PDSS2: variants seen among roughly 807,000 people sequenced by gnomAD.
The protein encoded by PDSS2 is all trans-polyprenyl-diphosphate synthase PDSS2.
PDSS2 carries 31 observed loss-of-function variants against 44.5 expected under a neutral mutation model. The observed-to-expected ratio is 0.70, with a 90% CI of 0.52 to 0.94. The LOEUF (loss-of-function observed/expected upper bound fraction) is 0.94. PDSS2 is among the 40% of genes least tolerant of loss of function. The probability of loss-of-function intolerance (pLI) is 0.00; values close to 1 mark genes in which losing one functional copy is unlikely to be tolerated. For synonymous variants in PDSS2, 157 were observed against 180.3 expected (o/e 0.87, Z 1.03); for missense variants, 452 against 482.2 (o/e 0.94, Z 0.59).
rs537020092 is a variant in PDSS2 at position 107,416,517 on chromosome 6, G to T, written c.296+42473C>A. Among the ~76,000 whole-genome samples, 147 of 152,278 alleles carry T rather than the reference G, an allele frequency of 9.7e-4. 5 individuals carry two copies. In the South Asian group the frequency reaches 0.03, roughly 31 times the overall value. ...ATTCTGCCTGTTTATCATTGACTAA[G>T]ATAGCTTACTATAATTCTCAATTAT... On this transcript the variant is annotated intron_variant, in intron 1 of 7. Transcript: ENST00000369037.
intron 3 of PDSS2, among the ~76,000 whole-genome samples, chr6:107,273,077 C>T (rs1314700417): frequency 6.6e-6 from 1 of 152,044 alleles, no homozygotes; most frequent in African/African-American, 2.4e-5. Flanking sequence ...CTCTGCCTCC[C>T]GGGTTCAAGC....
At chr6:107,446,816 C>T (rs901473614) in intron 1 of PDSS2, among the ~76,000 whole-genome samples, 1 of 151,692 alleles carries the variant, frequency 6.6e-6, no homozygotes, top group African/African-American at 2.4e-5. Context: ...CAGTTCCCTC[C>T]CATGACACAT....
At chr6:107,222,686 A>G (rs1292896806) in intron 4 of PDSS2, among the ~76,000 whole-genome samples, 1 of 151,942 alleles carries the variant, frequency 6.6e-6, no homozygotes, top group African/African-American at 2.4e-5. Context: ...GATTTCAAGA[A>G]TGTATTTTGA....
intron 2 of PDSS2, among the ~76,000 whole-genome samples, chr6:107,322,473 C>T (rs140657555): frequency 5.9e-5 from 9 of 152,014 alleles, no homozygotes; most frequent in Non-Finnish European, 1.2e-4. Context: ...GAGCTGTGAT[C>T]GGGCCACTGT....
At position 107,286,136 on chromosome 6, in the gene PDSS2, T is replaced by TAAATAAAAAA. The variant is rs568159749; in HGVS notation, c.432-11910_432-11909insTTTTTTATTT. 2.3e-3 allele frequency among the ~76,000 whole-genome samples: 300 copies of TAAATAAAAAA among 128,720 alleles called. 6 individuals carry two copies. Among genetic ancestry groups the TAAATAAAAAA allele is most frequent in the African/African-American group, 8.1e-3 (262 of 32,474 alleles). The allele number at this position is 128,720 out of a possible 152,430, so 84.4% of individuals were successfully genotyped here. On this transcript the variant is annotated intron_variant, in intron 2 of 7. Transcript: ENST00000369037. ...CAAGGAGCAAAACTTCGTCGCAAAATAAAAAAAAAAAAAAGGAAAGAAAAG... is the reference window on the plus strand; with the variant it reads ...CAAGGAGCAAAACTTCGTCGCAAAATAAATAAAAAAAAAAAAAAAAAAAAGGAAAGAAAAG...
intron 4 of PDSS2, among the ~76,000 whole-genome samples, chr6:107,219,350 C>T (rs1439918593): frequency 3.9e-5 from 6 of 152,086 alleles, no homozygotes; most frequent in Non-Finnish European, 8.8e-5. Context: ...TGCAGTGGCG[C>T]AATCTCGGCT....
chr6:107,415,521 C>G (rs1021684251), intron 1 of PDSS2, among the ~76,000 whole-genome samples: 4 of 151,880 alleles, frequency 2.6e-5, no homozygotes, highest in African/African-American at 9.7e-5. Context: ...CAAGCAGAAT[C>G]AGTAGATTCA....
rs571053858 is a variant in PDSS2 at position 107,373,786 on chromosome 6, TCTC to T, written c.297-39457_297-39455del. 2.0e-5 allele frequency among the ~76,000 whole-genome samples: 3 copies of T among 152,244 alleles called. No individual in the cohort carries two copies. In the South Asian group the frequency reaches 6.2e-4, roughly 32 times the overall value. On this transcript the variant is annotated intron_variant, in intron 1 of 7. Coordinates refer to ENST00000369037, the MANE Select transcript of PDSS2 (RefSeq NM_020381.4). ...GCTACGGTTCTGGCAATCAGTCAAA[TCTC>T]CTGCTTTTTCTCACTCTGGATTATA...
At chr6:107,226,136 G>A (rs1773811891) in intron 4 of PDSS2, among the ~76,000 whole-genome samples, 1 of 152,010 alleles carries the variant, frequency 6.6e-6, no homozygotes, top group South Asian at 2.1e-4. Flanking sequence ...ATGAAACCCT[G>A]TCTCTACTAA....
At chr6:107,164,240 AT>A (rs1226081708) in intron 7 of PDSS2, among the ~76,000 whole-genome samples, 1 of 152,154 alleles carries the variant, frequency 6.6e-6, no homozygotes, top group Admixed American at 6.6e-5. Context: ...ATATGTATAC[AT>A]GTGCCATGTT....
chr6:107,290,545 T>G (rs1457265345), intron 2 of PDSS2, among the ~76,000 whole-genome samples: 1 of 152,096 alleles, frequency 6.6e-6, no homozygotes, highest in East Asian at 1.9e-4. Context: ...CCTCTCTGAC[T>G]TCATTCCCTT....
intron 7 of PDSS2, among the ~76,000 whole-genome samples, chr6:107,183,973 T>C (rs1772076517): frequency 1.3e-5 from 2 of 151,592 alleles, no homozygotes; most frequent in South Asian, 4.2e-4. Context: ...CACTCCAGCC[T>C]GGGCAACGAG....
intron 6 of PDSS2, among the ~76,000 whole-genome samples, chr6:107,196,586 A>G (rs1397571830): frequency 6.6e-6 from 1 of 152,356 alleles, no homozygotes; most frequent in East Asian, 1.9e-4. Flanking sequence ...TTCAAATGAC[A>G]CTAGGATATT....
intron 1 of PDSS2, among the ~76,000 whole-genome samples, chr6:107,360,075 T>G (rs766178969): frequency 2.0e-5 from 3 of 152,192 alleles, no homozygotes; most frequent in Non-Finnish European, 4.4e-5. Flanking sequence ...TTGTTCTTGG[T>G]ATATAAATTT....
chr6:107,456,474 C>A lies in PDSS2; in HGVS notation c.296+2516G>T, dbSNP rs531154409. On this transcript the variant is annotated intron_variant, in intron 1 of 7. Transcript: ENST00000369037. ...AAAGGAAGTCACATAAGGTCATATGCAATAAACTATCATATTTGTACATTG... is the reference window on the plus strand; with the variant it reads ...AAAGGAAGTCACATAAGGTCATATGAAATAAACTATCATATTTGTACATTG... Among the ~76,000 whole-genome samples, 141 of 152,250 alleles carry A rather than the reference C, an allele frequency of 9.3e-4. 1 individual carries two copies. Among genetic ancestry groups the A allele is most frequent in the South Asian group, 6.8e-3 (33 of 4,828 alleles).
rs146132976 is a variant in PDSS2, at chr6:107,302,551, A to C, written c.432-28324T>G. 1.5e-4 allele frequency among the ~76,000 whole-genome samples: 23 copies of C among 152,266 alleles called. No individual in the cohort carries two copies. The South Asian group carries it at 1.9e-3, about 12-fold the overall frequency. ...TCTAAACGCTGAGATTACAGGCATA[A>C]GCCACAGTGCCTGAATTAAATCTTT... On this transcript the variant is annotated intron_variant, in intron 2 of 7. Coordinates refer to ENST00000369037, the MANE Select transcript of PDSS2 (RefSeq NM_020381.4).
chr6:107,179,281 T>C (rs1483474906), intron 7 of PDSS2, among the ~76,000 whole-genome samples: 5 of 151,956 alleles, frequency 3.3e-5, no homozygotes, highest in Non-Finnish European at 7.4e-5. Context: ...TTAAGATCCT[T>C]CTTCTTCTTT....
intron 1 of PDSS2, among the ~76,000 whole-genome samples, chr6:107,432,879 A>G (rs1384511704): frequency 1.3e-5 from 2 of 152,074 alleles, no homozygotes; most frequent in Non-Finnish European, 2.9e-5. Flanking sequence ...TATTCTTCCC[A>G]TCTAGTTGTA....
At chr6:107,346,795 T>C (rs891892989) in intron 1 of PDSS2, among the ~76,000 whole-genome samples, 2 of 152,252 alleles carry the variant, frequency 1.3e-5, no homozygotes, top group African/African-American at 4.8e-5. Flanking sequence ...AAGTGCCTTA[T>C]AGGTAAAAAC....
Sources: gnomAD v4.1 joint callset for allele counts (sites outside exome capture counted in the v4.1 genomes callset) on GRCh38, gnomAD v4.1.1 for gene constraint, MANE v1.5 for transcripts, NCBI Gene and HGNC (gene_info 2026-07-23, HGNC 2026-07-21) for gene names.